The following MAGI1 variants were observed in gnomAD, a reference collection of about 807,000 sequenced individuals.
MAGI1 encodes the protein membrane-associated guanylate kinase, WW and PDZ domain-containing protein 1.
In MAGI1, 58 loss-of-function variants were observed where a neutral mutation model predicts 139.9. The ratio of observed to expected loss-of-function variants is 0.41; its 90% CI spans 0.34 to 0.52. The LOEUF (loss-of-function observed/expected upper bound fraction) is 0.52, where lower values mean the gene tolerates loss of function less well. Ranked by LOEUF, MAGI1 falls within the 20% of genes least tolerant of loss-of-function variation. The pLI, the probability that MAGI1 is intolerant of heterozygous loss-of-function variation, is 0.12. For synonymous variants in MAGI1, 812 were observed against 737.9 expected (o/e 1.10, Z -1.63); for missense variants, 1,874 against 1,901.6 (o/e 0.99, Z 0.27).
intron 1 of MAGI1, chr3:65,874,217 T>C (rs2060033568): frequency 6.6e-6 from 1 of 152,026 alleles, no homozygotes; most frequent in Non-Finnish European, 1.5e-5. Flanking sequence ...ACCCAGGAGG[T>C]GGTGGTTGTA....
At chr3:65,845,715 G>A (rs2058969709) in intron 1 of MAGI1, among the ~76,000 whole-genome samples, 1 of 152,186 alleles carries the variant, frequency 6.6e-6, no homozygotes, top group African/African-American at 2.4e-5. Flanking sequence ...TCACTCCCAT[G>A]TGGCAGCTCT....
chr3:65,583,109 T>A (rs908533036), intron 2 of MAGI1, among the ~76,000 whole-genome samples: 2 of 152,198 alleles, frequency 1.3e-5, no homozygotes, highest in Non-Finnish European at 2.9e-5. Flanking sequence ...TTATCTCTCA[T>A]ACTAAGTCTT....
intron 2 of MAGI1, among the ~76,000 whole-genome samples, chr3:65,576,179 T>C (rs1156724198): frequency 1.3e-5 from 2 of 152,252 alleles, no homozygotes; most frequent in African/African-American, 4.8e-5. Context: ...CATGCATACT[T>C]AGCATTTTTA....
At chr3:65,944,032 A>G (rs2063444012) in intron 1 of MAGI1, among the ~76,000 whole-genome samples, 2 of 152,228 alleles carry the variant, frequency 1.3e-5, no homozygotes, top group Admixed American at 6.5e-5. Flanking sequence ...GTTCCAGGAA[A>G]AAAACATTCT....
At chr3:65,971,057 G>T (rs941253026) in intron 1 of MAGI1, among the ~76,000 whole-genome samples, 1 of 152,126 alleles carries the variant, frequency 6.6e-6, no homozygotes, top group African/African-American at 2.4e-5. Flanking sequence ...ACAAAAATTA[G>T]CCAGGCATGG....
intron 2 of MAGI1, among the ~76,000 whole-genome samples, chr3:65,507,968 G>A (rs1336474372): frequency 2.0e-5 from 3 of 152,086 alleles, no homozygotes; most frequent in Non-Finnish European, 2.9e-5. Context: ...GGAAAATGCA[G>A]ACAGTGAGGA....
intron 1 of MAGI1, among the ~76,000 whole-genome samples, chr3:65,994,391 T>C (rs1382197469): frequency 1.3e-5 from 2 of 152,078 alleles, no homozygotes; most frequent in African/African-American, 4.8e-5. Flanking sequence ...CAAAATACTT[T>C]CAACTTAGAA....
In MAGI1 at chr3:65,381,956, C is replaced by G. The variant is rs976177103; in HGVS notation, c.2622G>C (p.Gln874His). ...DGTPVIGKSH[Q>H]LVVQLMQQAA... ...CTTGTTGCATAAGCTGGACCACAAGCTGGTGTGATTTTCCAATTACTGGCG... is the reference window on the plus strand; with the variant it reads ...CTTGTTGCATAAGCTGGACCACAAGGTGGTGTGATTTTCCAATTACTGGCG... The change falls in exon 16 of 23, where the codon CAG becomes CAC. Residue 874 changes from glutamine (Q) to histidine (H), a missense_variant. This residue lies in a region of MAGI1 where 482 missense variants were observed against 509.6 expected (regional missense o/e 0.95). Coordinates refer to ENST00000402939, the MANE Select transcript of MAGI1 (RefSeq NM_001033057.2). 2 of 1,614,026 alleles carry G rather than the reference C, an allele frequency of 1.2e-6. No individual in the cohort carries two copies. Among genetic ancestry groups the G allele is most frequent in the Non-Finnish European group, 1.7e-6 (2 of 1,180,030 alleles).
chr3:65,724,058 G>A (rs1196548986), intron 1 of MAGI1, among the ~76,000 whole-genome samples: 2 of 152,226 alleles, frequency 1.3e-5, no homozygotes, highest in Non-Finnish European at 2.9e-5. Context: ...ACAATGATAT[G>A]CCTGAACAGA....
At chr3:65,784,520 A>C (rs1158553267) in intron 1 of MAGI1, among the ~76,000 whole-genome samples, 1 of 152,154 alleles carries the variant, frequency 6.6e-6, no homozygotes, top group Non-Finnish European at 1.5e-5. Context: ...GATGAAGATC[A>C]CGGTGAAACC....
intron 2 of MAGI1, among the ~76,000 whole-genome samples, chr3:65,589,818 T>C (rs548871343): frequency 6.0e-5 from 9 of 149,494 alleles, no homozygotes; most frequent in South Asian, 2.1e-4. Flanking sequence ...TTGCTTTAGA[T>C]GGTTGCCAGG....
intron 1 of MAGI1, among the ~76,000 whole-genome samples, chr3:65,748,181 A>G (rs998524052): frequency 2.0e-5 from 3 of 152,182 alleles, no homozygotes; most frequent in African/African-American, 7.2e-5. Flanking sequence ...AGATTTTTCA[A>G]GTTTGCTCTT....
chr3:65,870,882 A>G (rs1457431088), intron 1 of MAGI1, among the ~76,000 whole-genome samples: 1 of 151,996 alleles, frequency 6.6e-6, no homozygotes, highest in Non-Finnish European at 1.5e-5. Context: ...CAGGAGTTCA[A>G]GTCCACCCTG....
At chr3:65,950,066 ACAAAAAAAAAAC>A (rs1560045493) in intron 1 of MAGI1, among the ~76,000 whole-genome samples, 4 of 20,856 alleles carry the variant, frequency 1.9e-4, no homozygotes, top group East Asian at 1.3e-3. Context: ...AAACAAAAAA[ACAAAAAAAAAAC>A]AAAAAAAAAA....
At chr3:65,406,022 G>T (rs561156853) in intron 12 of MAGI1, among the ~76,000 whole-genome samples, 2 of 152,118 alleles carry the variant, frequency 1.3e-5, no homozygotes, top group African/African-American at 4.8e-5. Flanking sequence ...CGCCACGCCC[G>T]GCCTCTATAC....
At chr3:65,445,510 T>C (rs1240319497) in intron 7 of MAGI1, among the ~76,000 whole-genome samples, 1 of 152,206 alleles carries the variant, frequency 6.6e-6, no homozygotes, top group East Asian at 1.9e-4. Context: ...TTCAAAGAGA[T>C]TTCTCTGTAT....
chr3:65,366,277 A>G (rs1326023312), intron 18 of MAGI1, among the ~76,000 whole-genome samples: 1 of 152,244 alleles, frequency 6.6e-6, no homozygotes, highest in Non-Finnish European at 1.5e-5. Flanking sequence ...GCTCTCTGCA[A>G]AATGAGAAAG....
rs754022958 is a variant in MAGI1, at chr3:65,360,621, GT to G, written c.3634+577del. The G allele has an allele frequency of 1.0e-3, 998 of 985,610 alleles. 5 individuals carry two copies. Among genetic ancestry groups the G allele is most frequent in the Admixed American group, 2.1e-3 (35 of 16,326 alleles). 61.1% of individuals were successfully genotyped at this position (985,610 alleles called of 1,614,324 possible). ...AAACATTATGGCTAATATATTAACA[GT>G]TTTTGTTTGTTTGTTTGATAGTAGT... is the stretch of plus-strand genomic sequence containing the variant. On this transcript the variant is annotated intron_variant, in intron 22 of 22. Coordinates refer to ENST00000402939, the MANE Select transcript of MAGI1 (RefSeq NM_001033057.2).
intron 1 of MAGI1, among the ~76,000 whole-genome samples, chr3:65,765,494 T>A (rs2037393247): frequency 6.6e-6 from 1 of 152,206 alleles, no homozygotes; most frequent in South Asian, 2.1e-4. Context: ...GAAAATTGAA[T>A]TTTAAAACAT....
Sources: gnomAD v4.1 joint callset for allele counts (sites outside exome capture counted in the v4.1 genomes callset) on GRCh38, gnomAD v4.1.1 for gene constraint, gnomAD v4.1.1 regional missense constraint, MANE v1.5 for transcripts, NCBI Gene and HGNC (gene_info 2026-07-23, HGNC 2026-07-21) for gene names.